Variants in CASZ1 observed in about 807,000 individuals in gnomAD.
CASZ1 encodes castor zinc finger 1, also known as zinc finger protein castor homolog 1.
Under a neutral mutation model 135.2 loss-of-function variants are expected in CASZ1, and 28 were observed. The ratio of observed to expected loss-of-function variants is 0.21; its 90% CI spans 0.15 to 0.28. The LOEUF (loss-of-function observed/expected upper bound fraction) is 0.28. CASZ1 is among the 10% of genes least tolerant of loss of function. The probability of loss-of-function intolerance (pLI) is 1.00; values close to 1 mark genes in which losing one functional copy is unlikely to be tolerated. For missense variants in CASZ1, 2,161 were observed against 2,453.3 expected, an observed-to-expected ratio of 0.88 and a Z score of 2.52; for synonymous variants, 1,068 against 1,073.4, an observed-to-expected ratio of 0.99 and a Z score of 0.10.
At chr1:10,656,039 C>T (rs1276060953) in intron 8 of CASZ1, among the ~76,000 whole-genome samples, 3 of 152,186 alleles carry the variant, frequency 2.0e-5, no homozygotes, top group Non-Finnish European at 4.4e-5. Flanking sequence ...CCGATGCTCC[C>T]CTAGGTGCCC....
intron 18 of CASZ1, among the ~76,000 whole-genome samples, 192 bp from the exon 19 acceptor site, chr1:10,643,503 A>G (rs1642273122): frequency 6.6e-6 from 1 of 152,202 alleles, no homozygotes; most frequent in Non-Finnish European, 1.5e-5. Flanking sequence ...CTGGCTGTCC[A>G]AACCCTGGGC....
At chr1:10,686,571 C>T (rs1570474676) in intron 4 of CASZ1, among the ~76,000 whole-genome samples, 1 of 152,202 alleles carries the variant, frequency 6.6e-6, no homozygotes, top group East Asian at 1.9e-4. Context: ...GTCACCTGGG[C>T]TTCCCCCCAG....
At chr1:10,766,252 T>G (rs2100584804) in intron 1 of CASZ1, among the ~76,000 whole-genome samples, 1 of 152,250 alleles carries the variant, frequency 6.6e-6, no homozygotes, top group Non-Finnish European at 1.5e-5. Context: ...GCCAGATCAC[T>G]GGGCAACATG....
chr1:10,771,950 G>A (rs562300625), intron 1 of CASZ1, among the ~76,000 whole-genome samples: 110 of 152,216 alleles, frequency 7.2e-4, no homozygotes, highest in African/African-American at 2.5e-3. Context: ...AGCCCCTCTC[G>A]GCCGGCCCCC....
In CASZ1 at chr1:10,700,851, A is replaced by G. The variant is rs1639046486; in HGVS notation, c.-24+4641T>C. On this transcript the variant is annotated intron_variant, in intron 3 of 20. Coordinates refer to ENST00000377022, the MANE Select transcript of CASZ1 (RefSeq NM_001079843.3). This position sits in a 1 kb window ranked among gnomAD's most constrained non-coding sequence, Gnocchi z 4.2. Reference sequence around the variant, plus strand: ...TGGTGATGATGGTACAACCTTGTGAATATCCTAAAAACCACTGAATTGTAC... The same window carrying G: ...TGGTGATGATGGTACAACCTTGTGAGTATCCTAAAAACCACTGAATTGTAC... 6.6e-6 allele frequency among the ~76,000 whole-genome samples: 1 copy of G among 152,216 alleles called. No homozygotes were observed. Among genetic ancestry groups the G allele is most frequent in the Admixed American group, 6.5e-5 (1 of 15,284 alleles).
chr1:10,715,461 C>G (rs1358743919), intron 2 of CASZ1, among the ~76,000 whole-genome samples: 1 of 151,842 alleles, frequency 6.6e-6, no homozygotes, highest in Non-Finnish European at 1.5e-5. Context: ...AGCAGAGATG[C>G]CTCCTCCACT....
At chr1:10,691,783 G>T (rs183159093) in intron 4 of CASZ1, among the ~76,000 whole-genome samples, 6 of 152,314 alleles carry the variant, frequency 3.9e-5, no homozygotes, top group African/African-American at 1.4e-4. Flanking sequence ...TTGGTGAAGT[G>T]GGGGGAAGAC....
intron 4 of CASZ1, among the ~76,000 whole-genome samples, chr1:10,682,045 C>G (rs1281420210): frequency 6.6e-6 from 1 of 152,276 alleles, no homozygotes; most frequent in Non-Finnish European, 1.5e-5. Flanking sequence ...CCTCCACCTC[C>G]TGTCCCTGTC....
intron 2 of CASZ1, among the ~76,000 whole-genome samples, chr1:10,731,674 G>A (rs1639704062): frequency 6.6e-6 from 1 of 152,218 alleles, no homozygotes; most frequent in Non-Finnish European, 1.5e-5. Context: ...GTTCATTGAT[G>A]TGGTTTCAGA....
intron 4 of CASZ1, among the ~76,000 whole-genome samples, chr1:10,684,544 C>T (rs962463992): frequency 1.3e-5 from 2 of 152,208 alleles, no homozygotes; most frequent in Non-Finnish European, 2.9e-5. Flanking sequence ...AGGGTGGGAC[C>T]ATGTCAAGTA....
rs1366121974 is a variant in CASZ1, at chr1:10,679,659, C to T, written c.17-14088G>A. Among the ~76,000 whole-genome samples the T allele has an allele frequency of 6.6e-6, 1 of 152,198 alleles. No individual in the cohort carries two copies. The highest frequency in any genetic ancestry group is 1.5e-5 in the Non-Finnish European group (1 of 68,022). On this transcript the variant is annotated intron_variant, in intron 4 of 20. Transcript: ENST00000377022. This position sits in a 1 kb window ranked among gnomAD's most constrained non-coding sequence, Gnocchi z 4.7. ...GGGCTCTGTCCACATCCTGTGCCTGCACGGGCACCCTTCTCCTCCCCTCCA... is the reference window on the plus strand; with the variant it reads ...GGGCTCTGTCCACATCCTGTGCCTGTACGGGCACCCTTCTCCTCCCCTCCA...
At chr1:10,661,682 C>G (rs1365573526) in intron 5 of CASZ1, among the ~76,000 whole-genome samples, 1 of 151,946 alleles carries the variant, frequency 6.6e-6, no homozygotes, top group Non-Finnish European at 1.5e-5. Flanking sequence ...ACATACAACA[C>G]ACACATGCAT....
intron 1 of CASZ1, among the ~76,000 whole-genome samples, chr1:10,793,082 C>T (rs1439863786): frequency 6.6e-6 from 1 of 152,058 alleles, no homozygotes; most frequent in Non-Finnish European, 1.5e-5. Context: ...ATTAGCTGAG[C>T]TACAAGTTTT....
At chr1:10,734,990 CG>C (rs1639770117) in intron 2 of CASZ1, among the ~76,000 whole-genome samples, 1 of 152,148 alleles carries the variant, frequency 6.6e-6, no homozygotes, top group Non-Finnish European at 1.5e-5. Context: ...CCCTTGAGGG[CG>C]GCCACATACT....
intron 2 of CASZ1, among the ~76,000 whole-genome samples, chr1:10,758,826 G>A (rs1020183252): frequency 3.9e-5 from 6 of 152,186 alleles, no homozygotes; most frequent in African/African-American, 1.4e-4. Context: ...CCCGCCTGCA[G>A]TCCAGCCTGG....
intron 1 of CASZ1, among the ~76,000 whole-genome samples, chr1:10,780,170 T>C (rs937601980): frequency 3.3e-5 from 5 of 152,246 alleles, no homozygotes; most frequent in Admixed American, 2.0e-4. Flanking sequence ...TCCATTTTTA[T>C]ATCTGAATAT....
Position 10,656,702 on chromosome 1 carries a change from A to G in CASZ1, c.1444T>C (p.Cys482Arg). The G allele has an allele frequency of 6.2e-7, 1 of 1,603,066 alleles. No homozygotes were observed. The highest frequency in any genetic ancestry group is 8.5e-7 in the Non-Finnish European group (1 of 1,175,780). The change falls in exon 8 of 21, where the codon TGT (cysteine) becomes CGT (arginine). Residue 482 changes from cysteine (C) to arginine (R), a missense_variant. Transcript: ENST00000377022. ...SGSQHCGHIH[C>R]AYQYREHYHC... ...TAGTGCTCGCGGTACTGGTAGGCAC[A>G]GTGGATGTGGCCACAGTGCTGGCTG... is the stretch of plus-strand genomic sequence containing the variant.
At chr1:10,738,824 AT>A (rs746618573) in intron 2 of CASZ1, among the ~76,000 whole-genome samples, 17 of 151,970 alleles carry the variant, frequency 1.1e-4, no homozygotes, top group Non-Finnish European at 2.1e-4. Flanking sequence ...ATGCTAATGC[AT>A]GCAAATTAAG....
chr1:10,723,836 C>G (rs1209167807), intron 2 of CASZ1, among the ~76,000 whole-genome samples: 2 of 152,222 alleles, frequency 1.3e-5, no homozygotes, highest in African/African-American at 4.8e-5. Flanking sequence ...GCTGCTCTCA[C>G]GGTCAGCTTC....
Sources: gnomAD v4.1 joint callset for allele counts (sites outside exome capture counted in the v4.1 genomes callset) on GRCh38, gnomAD v4.1.1 for gene constraint, Gnocchi (gnomAD v3.1) non-coding constraint, MANE v1.5 for transcripts, NCBI Gene and HGNC (gene_info 2026-07-23, HGNC 2026-07-21) for gene names.